The following MED14 variants were observed in gnomAD, a reference collection of about 807,000 sequenced individuals.
The protein encoded by MED14 is mediator complex subunit 14, also known as mediator of RNA polymerase II transcription subunit 14.
Under a neutral mutation model 109.0 loss-of-function variants are expected in MED14, and 8 were observed. That is an observed-to-expected ratio of 0.07 (90% CI 0.04 to 0.13). MED14 has a LOEUF of 0.13. Ranked by LOEUF, MED14 falls within the 10% of genes least tolerant of loss-of-function variation. The probability of loss-of-function intolerance (pLI) is 1.00; values close to 1 mark genes in which losing one functional copy is unlikely to be tolerated. For missense variants in MED14, 711 were observed against 1,142.4 expected (o/e 0.62, Z 5.44); for synonymous variants, 399 against 408.7 (o/e 0.98, Z 0.29).
intron 30 of MED14, among the ~76,000 whole-genome samples, chrX:40,653,657 C>T (rs1348476477): frequency 8.9e-6 from 1 of 111,897 alleles, no homozygotes; most frequent in African/African-American, 3.2e-5. Flanking sequence ...GTTCTCTTTG[C>T]TGAGCTTTGT....
chrX:40,689,784 T>C (rs768462876), intron 15 of MED14, among the ~76,000 whole-genome samples: 22 of 112,373 alleles, frequency 2.0e-4, no homozygotes, highest in African/African-American at 6.8e-4. Flanking sequence ...GCAGAAAATA[T>C]ACTTGCTTTT....
intron 30 of MED14, 69 bp downstream of exon 30, chrX:40,654,295 G>T (rs1928980245): frequency 1.0e-6 from 1 of 992,207 alleles, no homozygotes; most frequent in South Asian, 2.1e-5. Flanking sequence ...GAGAAGAGGA[G>T]AAAGGGGTGT....
At chrX:40,725,768 G>C (rs1931873955) in intron 3 of MED14, among the ~76,000 whole-genome samples, 1 of 111,524 alleles carries the variant, frequency 9.0e-6, no homozygotes, top group Non-Finnish European at 1.9e-5. Context: ...CTCAGATCTG[G>C]AACACGACAA....
At position 40,734,098 on chromosome X, in the gene MED14, T is replaced by C. The variant is rs150304151; in HGVS notation, c.215+1100A>G. Among the ~76,000 whole-genome samples, 454 of 112,011 alleles carry C rather than the reference T, an allele frequency of 4.1e-3. 5 individuals are homozygous for C. Among genetic ancestry groups the C allele is most frequent in the African/African-American group, 0.014 (435 of 30,795 alleles). On this transcript the variant is annotated intron_variant, in intron 1 of 30. Coordinates refer to ENST00000324817, the MANE Select transcript of MED14 (RefSeq NM_004229.4). ...CAACATTTTTTTTCCCACAGCTCTA[T>C]ATAGGCACATACATGAAACTTTCTC...
At chrX:40,732,502 C>G (rs1167735013) in intron 1 of MED14, among the ~76,000 whole-genome samples, 16 of 96,544 alleles carry the variant, frequency 1.7e-4, no homozygotes, top group African/African-American at 2.8e-4. Context: ...CTGGGCAACA[C>G]CGTGAGACTC....
Position 40,688,483 on chromosome X carries a change from A to G in MED14, c.2028T>C (p.Asp676=), listed in dbSNP as rs1189546739. The G allele has an allele frequency of 8.3e-6, 10 of 1,206,801 alleles. No homozygotes were observed. The highest frequency in any genetic ancestry group is 1.0e-5 in the Non-Finnish European group (9 of 891,681). Residue 676 remains aspartate (D), a synonymous_variant, in exon 16 of 31, where the codon GAT becomes GAC. Transcript: ENST00000324817. ...IPHQGVQVEG[D]GFSHAIRLLK... Reference sequence around the variant, plus strand: ...ATAAGCGAATTGCATGGCTGAAGCCATCACCTTCCACTTGCACTCCTTGAT... The same window carrying G: ...ATAAGCGAATTGCATGGCTGAAGCCGTCACCTTCCACTTGCACTCCTTGAT...
rs1929744718 is a variant in MED14, at chrX:40,671,926, G to A, written c.3068C>T (p.Ser1023Leu). The change falls in exon 23 of 31, where the codon TCA (serine) becomes TTA (leucine). Residue 1023 changes from serine to leucine, a missense_variant. Physicochemically the swap from Ser to Leu is moderately radical, Grantham distance 145 (BLOSUM62 -2). Transcript: ENST00000324817. ...PGTSGAYPLT[S>L]PPTSYHSTVN... ...TGTGCTATGATAAGATGTAGGGGGT[G>A]AAGTAAGAGGATAAGCACCTGATGT... 1 of 1,206,097 alleles carries A rather than the reference G, an allele frequency of 8.3e-7. No homozygotes were observed. The highest frequency in any genetic ancestry group is 2.3e-4 in the Middle Eastern group (1 of 4,334).
chrX:40,670,489 C>T lies in MED14; in HGVS notation c.3133+1372G>A, dbSNP rs767226547. On this transcript the variant is annotated intron_variant, in intron 23 of 30. Coordinates refer to ENST00000324817, the MANE Select transcript of MED14 (RefSeq NM_004229.4). ...TATTTTATAAAGGAGAGGCCGGGCG[C>T]GGTGGCTCACGCCTGTAATCCCAGC... is the stretch of plus-strand genomic sequence containing the variant. 8.0e-5 allele frequency among the ~76,000 whole-genome samples: 9 copies of T among 112,048 alleles called. No individual in the cohort carries two copies. In the South Asian group the frequency reaches 1.8e-3, roughly 23 times the overall value.
chrX:40,654,684 C>T (rs1928994408), intron 29 of MED14, 128 bp from the exon 30 acceptor site: 3 of 747,874 alleles, frequency 4.0e-6, no homozygotes, highest in Non-Finnish European at 5.8e-6. Context: ...TTACACATGA[C>T]AAGAAAAGTG....
chrX:40,732,317 G>A (rs952333630), intron 1 of MED14, among the ~76,000 whole-genome samples: 1 of 112,133 alleles, frequency 8.9e-6, no homozygotes, highest in Non-Finnish European at 1.9e-5. Context: ...TTGGGAGTTT[G>A]AGACCAGCCT....
chrX:40,692,150 T>C, intron 15 of MED14, 33 bp downstream of exon 15: 1 of 1,181,840 alleles, frequency 8.5e-7, no homozygotes, highest in East Asian at 3.0e-5. Flanking sequence ...ACTCTTTCAT[T>C]TGGGGTATCC....
Position 40,651,340 on chromosome X carries a change from A to G in MED14, c.*466T>C, listed in dbSNP as rs1481764220. ...GGGTGTGTTTATAACAACTCCCAGA[A>G]CATTTCATGTAAGGATTCAAAGCGG... On this transcript the variant is annotated 3_prime_UTR_variant, in exon 31 of 31. Coordinates refer to ENST00000324817, the MANE Select transcript of MED14 (RefSeq NM_004229.4). The G allele has an allele frequency of 1.3e-6, 1 of 749,451 alleles. No homozygotes were observed. The highest frequency in any genetic ancestry group is 1.6e-6 in the Non-Finnish European group (1 of 636,007). The allele number at this position is 749,451 out of a possible 1,213,427, so 61.8% of individuals were successfully genotyped here.
At chrX:40,712,378 C>A (rs970310467) in intron 6 of MED14, 85 bp from the exon 7 acceptor site, 1 of 581,118 alleles carries the variant, frequency 1.7e-6, no homozygotes, top group Non-Finnish European at 2.6e-6. Flanking sequence ...CACATAATAA[C>A]AATGAATTTT....
rs1295622749 is a variant in MED14, at chrX:40,714,752, T to C, written c.349-42A>G. 6 of 1,096,449 alleles carry C rather than the reference T, an allele frequency of 5.5e-6. No individual in the cohort carries two copies. The South Asian group carries it at 6.4e-5, about 12-fold the overall frequency. 90.4% of individuals were successfully genotyped at this position (1,096,449 alleles called of 1,213,427 possible). The stretch of plus-strand genomic sequence containing the variant: ...AAATGTATTAAGCATCCCTGAAAAC[T>C]ATCTCCTTTTCACACTAAATATTGT... On this transcript the variant is annotated intron_variant, in intron 3 of 30. Transcript: ENST00000324817.
At chrX:40,672,109 A>T (rs916634296) in intron 22 of MED14, 137 bp from the exon 23 acceptor site, 10 of 365,219 alleles carry the variant, frequency 2.7e-5, no homozygotes, top group African/African-American at 2.6e-4. Flanking sequence ...GAGATATAAA[A>T]GTGTGCAAAA....
intron 7 of MED14, among the ~76,000 whole-genome samples, chrX:40,711,832 T>C (rs1279755994): frequency 1.9e-5 from 2 of 107,916 alleles, no homozygotes; most frequent in African/African-American, 6.8e-5. Flanking sequence ...GGTTTCACCA[T>C]GGTGGCCAGG....
Position 40,659,627 on chromosome X carries a change from C to A in MED14, c.3685-20G>T. The A allele has an allele frequency of 8.6e-7, 1 of 1,161,828 alleles. No homozygotes were observed. Among genetic ancestry groups the A allele is most frequent in the Non-Finnish European group, 1.2e-6 (1 of 866,428 alleles). ...CTGCAGCTACAAAACAAGGACACAT[C>A]AAATTAACATGTAAGTCAAAGAGAA... is the stretch of plus-strand genomic sequence containing the variant. On this transcript the variant is annotated intron_variant, in intron 26 of 30. Coordinates refer to ENST00000324817, the MANE Select transcript of MED14 (RefSeq NM_004229.4).
Position 40,735,129 on chromosome X carries a change from G to A in MED14, c.215+69C>T, listed in dbSNP as rs777191268. Reference sequence around the variant, plus strand: ...ACAGCAGCCTCTCGGGGAGAGGGAGGTGCAAACGTCTCAGCCGGTTGGGCG... The same window carrying A: ...ACAGCAGCCTCTCGGGGAGAGGGAGATGCAAACGTCTCAGCCGGTTGGGCG... On this transcript the variant is annotated intron_variant, in intron 1 of 30. Transcript: ENST00000324817. The A allele has an allele frequency of 1.3e-3, 1,076 of 820,008 alleles. 1 individual carries two copies. Among genetic ancestry groups the A allele is most frequent in the Middle Eastern group, 5.2e-3 (17 of 3,248 alleles). 67.6% of individuals were successfully genotyped at this position (820,008 alleles called of 1,213,427 possible).
At chrX:40,690,176 C>T (rs1415549485) in intron 15 of MED14, among the ~76,000 whole-genome samples, 1 of 112,027 alleles carries the variant, frequency 8.9e-6, no homozygotes, top group Non-Finnish European at 1.9e-5. Flanking sequence ...AACATGGACA[C>T]ACTCCACAGT....
Sources: gnomAD v4.1 joint callset for allele counts (sites outside exome capture counted in the v4.1 genomes callset) on GRCh38, gnomAD v4.1.1 for gene constraint, MANE v1.5 for transcripts, NCBI Gene and HGNC (gene_info 2026-07-23, HGNC 2026-07-21) for gene names.